CAMK2D: variants seen among roughly 807,000 people sequenced by gnomAD.
CAMK2D encodes the protein calcium/calmodulin-dependent protein kinase type II subunit delta.
Under a neutral mutation model 84.0 loss-of-function variants are expected in CAMK2D, and 37 were observed. The ratio of observed to expected loss-of-function variants is 0.44; its 90% CI spans 0.34 to 0.58. The LOEUF (loss-of-function observed/expected upper bound fraction) is 0.58, where lower values mean the gene tolerates loss of function less well. Among genes scored for constraint, CAMK2D ranks in the 20% least tolerant of loss-of-function variants. The probability of loss-of-function intolerance (pLI) is 0.02; values close to 1 mark genes in which losing one functional copy is unlikely to be tolerated. For synonymous variants in CAMK2D, 202 were observed against 212.5 expected, an observed-to-expected ratio of 0.95 and a Z score of 0.43; for missense variants, 448 against 652.5, an observed-to-expected ratio of 0.69 and a Z score of 3.41.
chr4:113,483,679 T>A (rs1292903406), intron 16 of CAMK2D, among the ~76,000 whole-genome samples: 2 of 152,126 alleles, frequency 1.3e-5, no homozygotes, highest in Non-Finnish European at 2.9e-5. Flanking sequence ...GTGCTGGGAT[T>A]ATAGGTGTGA....
chr4:113,690,479 T>C (rs1480425551), intron 2 of CAMK2D, among the ~76,000 whole-genome samples: 3 of 152,210 alleles, frequency 2.0e-5, no homozygotes, highest in Non-Finnish European at 4.4e-5. Flanking sequence ...CCTACACTGA[T>C]CTTTAGTCTT....
intron 2 of CAMK2D, among the ~76,000 whole-genome samples, chr4:113,747,319 T>TTTA (rs1554093408): frequency 1.4e-5 from 2 of 147,342 alleles, no homozygotes; most frequent in East Asian, 2.0e-4. Flanking sequence ...TTTTTTTTTT[T>TTTA]AAATTCAATA....
At chr4:113,734,531 C>T (rs2099576456) in intron 2 of CAMK2D, among the ~76,000 whole-genome samples, 1 of 152,018 alleles carries the variant, frequency 6.6e-6, no homozygotes, top group Non-Finnish European at 1.5e-5. Flanking sequence ...GGCATATATA[C>T]AAATTACTTA....
At chr4:113,711,463 C>A (rs555946286) in intron 2 of CAMK2D, among the ~76,000 whole-genome samples, 2 of 152,092 alleles carry the variant, frequency 1.3e-5, no homozygotes, top group South Asian at 4.1e-4. Context: ...TAGATGTGAA[C>A]ATATTTTTAC....
intron 17 of CAMK2D, among the ~76,000 whole-genome samples, chr4:113,462,468 G>A (rs1172404427): frequency 1.3e-5 from 2 of 151,958 alleles, no homozygotes; most frequent in Non-Finnish European, 2.9e-5. Flanking sequence ...GGTGTTCTAA[G>A]GACCAGCTGA....
rs145911476 is a variant in CAMK2D, at chr4:113,653,117, T to C, written c.220+8596A>G. Among the ~76,000 whole-genome samples, 668 of 152,180 alleles carry C rather than the reference T, an allele frequency of 4.4e-3. 7 individuals are homozygous for C. The highest frequency in any genetic ancestry group is 0.015 in the African/African-American group (641 of 41,570). ...AGCATTTACTTAAAAAGACGATAAATTTAACTTTCTACCAAGAATTATAAA... is the reference window on the plus strand; with the variant it reads ...AGCATTTACTTAAAAAGACGATAAACTTAACTTTCTACCAAGAATTATAAA... On this transcript the variant is annotated intron_variant, in intron 3 of 20. Transcript: ENST00000511664.
intron 16 of CAMK2D, among the ~76,000 whole-genome samples, chr4:113,475,725 T>C (rs971265595): frequency 2.0e-5 from 3 of 152,232 alleles, no homozygotes; most frequent in African/African-American, 7.2e-5. Context: ...AAGCAGATCT[T>C]TTACTACACA....
chr4:113,747,137 C>T (rs866465965), intron 2 of CAMK2D, among the ~76,000 whole-genome samples: 2 of 151,684 alleles, frequency 1.3e-5, no homozygotes, highest in African/African-American at 4.8e-5. Flanking sequence ...AATTGCATGG[C>T]TGGGCCTTGC....
intron 2 of CAMK2D, among the ~76,000 whole-genome samples, chr4:113,684,023 C>T (rs1282894492): frequency 6.6e-6 from 1 of 152,116 alleles, no homozygotes; most frequent in Non-Finnish European, 1.5e-5. Flanking sequence ...TTAACAGCAC[C>T]TACCTCATGG....
intron 3 of CAMK2D, among the ~76,000 whole-genome samples, chr4:113,625,331 A>G (rs1461156090): frequency 1.3e-5 from 2 of 152,204 alleles, no homozygotes; most frequent in Non-Finnish European, 1.5e-5. Context: ...GAGAAGACTG[A>G]TCAATATTAA....
At chr4:113,660,120 A>G (rs537417205) in intron 3 of CAMK2D, among the ~76,000 whole-genome samples, 1 of 152,254 alleles carries the variant, frequency 6.6e-6, no homozygotes, top group Non-Finnish European at 1.5e-5. Flanking sequence ...CATCACTGTT[A>G]CCCCTTTTCT....
chr4:113,689,177 C>T (rs1288524265), intron 2 of CAMK2D, among the ~76,000 whole-genome samples: 11 of 151,948 alleles, frequency 7.2e-5, no homozygotes, highest in African/African-American at 2.2e-4. Flanking sequence ...ACCCAGGAGG[C>T]GGAGGCTGCA....
intron 4 of CAMK2D, among the ~76,000 whole-genome samples, chr4:113,607,739 C>T (rs2098984108): frequency 6.6e-6 from 1 of 152,182 alleles, no homozygotes; most frequent in Non-Finnish European, 1.5e-5. Context: ...AGTCCACCTG[C>T]ACCCAGGTGA....
At position 113,637,847 on chromosome 4, in the gene CAMK2D, T is replaced by TA. The variant is rs551403133; in HGVS notation, c.220+23865_220+23866insT. ...CTGCCTGGACATACCAGAGTTGAAA[T>TA]GTTTTTGAAATAATAATAAATACTA... On this transcript the variant is annotated intron_variant, in intron 3 of 20. Transcript: ENST00000511664. 8.5e-5 allele frequency among the ~76,000 whole-genome samples: 13 copies of TA among 152,194 alleles called. No homozygotes were observed. The East Asian group carries it at 1.7e-3, about 20-fold the overall frequency.
chr4:113,750,224 G>A (rs921545324), intron 2 of CAMK2D, among the ~76,000 whole-genome samples: 3 of 152,152 alleles, frequency 2.0e-5, no homozygotes, highest in African/African-American at 7.2e-5. Context: ...AGAGGTGGGG[G>A]AAGAAGTTAG....
At chr4:113,710,675 T>C (rs1340702645) in intron 2 of CAMK2D, among the ~76,000 whole-genome samples, 1 of 152,186 alleles carries the variant, frequency 6.6e-6, no homozygotes, top group African/African-American at 2.4e-5. Flanking sequence ...ACAGACTATT[T>C]CTATTGATAT....
chr4:113,716,157 GTAC>G (rs1179600684), intron 2 of CAMK2D, among the ~76,000 whole-genome samples: 1 of 152,136 alleles, frequency 6.6e-6, no homozygotes, highest in Non-Finnish European at 1.5e-5. Context: ...TCAATTTGCT[GTAC>G]TAGTTAAATT....
At chr4:113,602,820 C>T (rs2098958977) in intron 4 of CAMK2D, among the ~76,000 whole-genome samples, 2 of 152,196 alleles carry the variant, frequency 1.3e-5, no homozygotes, top group Non-Finnish European at 2.9e-5. Flanking sequence ...AATCTTTCTC[C>T]TGTCAGTCTA....
At chr4:113,474,498 C>CTTTTTTTTT (rs70961831) in intron 16 of CAMK2D, among the ~76,000 whole-genome samples, 2 of 89,822 alleles carry the variant, frequency 2.2e-5, no homozygotes, top group Non-Finnish European at 2.1e-5. Context: ...CCTTTTTGGC[C>CTTTTTTTTT]TTTTTTTTTT....
Sources: gnomAD v4.1 joint callset for allele counts (sites outside exome capture counted in the v4.1 genomes callset) on GRCh38, gnomAD v4.1.1 for gene constraint, MANE v1.5 for transcripts, NCBI Gene and HGNC (gene_info 2026-07-23, HGNC 2026-07-21) for gene names.